The following RIMS2 variants were observed in gnomAD, a reference collection of about 807,000 sequenced individuals.
RIMS2 encodes the protein regulating synaptic membrane exocytosis 2, also known as regulating synaptic membrane exocytosis protein 2.
In RIMS2, 59 loss-of-function variants were observed where a neutral mutation model predicts 174.4. The ratio of observed to expected loss-of-function variants is 0.34; its 90% CI spans 0.27 to 0.42. The LOEUF is 0.42. Ranked by LOEUF, RIMS2 falls within the 10% of genes least tolerant of loss-of-function variation. RIMS2 has a pLI of 1.00. For synonymous variants in RIMS2, 606 were observed against 572.5 expected, an observed-to-expected ratio of 1.06 and a Z score of -0.84; for missense variants, 1,620 against 1,666.3, an observed-to-expected ratio of 0.97 and a Z score of 0.48.
chr8:104,156,424 C>A (rs2098724579), intron 19 of RIMS2, among the ~76,000 whole-genome samples: 1 of 152,080 alleles, frequency 6.6e-6, no homozygotes. Flanking sequence ...AGAGAGTGCC[C>A]AGGAAAAAGA....
At chr8:104,138,606 T>C (rs561498423) in intron 19 of RIMS2, among the ~76,000 whole-genome samples, 37 of 152,180 alleles carry the variant, frequency 2.4e-4, no homozygotes, top group Non-Finnish European at 4.7e-4. Flanking sequence ...CTTTCGCCCA[T>C]TTAAAAATTG....
At chr8:103,770,499 C>T (rs1017073296) in intron 3 of RIMS2, among the ~76,000 whole-genome samples, 7 of 152,094 alleles carry the variant, frequency 4.6e-5, no homozygotes, top group African/African-American at 1.4e-4. Flanking sequence ...TCGCTTGAAC[C>T]TGGAAGCTGG....
chr8:103,611,960 TG>T (rs60254570), intron 1 of RIMS2, among the ~76,000 whole-genome samples: 27,053 of 151,090 alleles, frequency 0.18, 2,623 homozygotes, highest in African/African-American at 0.25. Flanking sequence ...CATACTTCAT[TG>T]TTTTTTATTT....
intron 19 of RIMS2, among the ~76,000 whole-genome samples, chr8:104,098,945 T>C (rs1044988684): frequency 1.3e-5 from 2 of 152,220 alleles, no homozygotes; most frequent in African/African-American, 2.4e-5. Flanking sequence ...ACCAGCATTG[T>C]CATCCTGACT....
intron 4 of RIMS2, among the ~76,000 whole-genome samples, chr8:103,893,740 C>G (rs1049520568): frequency 3.3e-5 from 5 of 151,970 alleles, no homozygotes; most frequent in Admixed American, 1.3e-4. Context: ...TATGTATTGC[C>G]TATCGGTTCT....
chr8:103,891,046 A>T (rs948164968), intron 4 of RIMS2, among the ~76,000 whole-genome samples: 1 of 151,896 alleles, frequency 6.6e-6, no homozygotes, highest in Admixed American at 6.6e-5. Flanking sequence ...ATTACAAAAT[A>T]TCTCTTGTGG....
chr8:103,667,150 A>T (rs907261930), intron 1 of RIMS2, among the ~76,000 whole-genome samples: 1 of 152,194 alleles, frequency 6.6e-6, no homozygotes, highest in Non-Finnish European at 1.5e-5. Flanking sequence ...GTTTCAACCA[A>T]GCAACCTATT....
chr8:103,805,891 T>G lies in RIMS2; in HGVS notation c.698+39354T>G, dbSNP rs116183612. Among the ~76,000 whole-genome samples the G allele has an allele frequency of 6.1e-3, 935 of 152,260 alleles. 12 individuals carry two copies. The highest frequency in any genetic ancestry group is 0.021 in the African/African-American group (885 of 41,576). ...GTGATAAAGCAGGATTAATAAATTT[T>G]AGTTACATCTCTCAGAAATATTTAT... is the stretch of plus-strand genomic sequence containing the variant. On this transcript the variant is annotated intron_variant, in intron 3 of 23. Coordinates refer to ENST00000504942, the Ensembl canonical transcript of RIMS2.
chr8:103,895,327 TA>T (rs2099271543), intron 4 of RIMS2, among the ~76,000 whole-genome samples: 1 of 151,634 alleles, frequency 6.6e-6, no homozygotes, highest in Admixed American at 6.6e-5. Flanking sequence ...AGCAGATGTT[TA>T]TTTTTTACGG....
chr8:104,030,486 G>T (rs1044762270), intron 19 of RIMS2, among the ~76,000 whole-genome samples: 3 of 152,158 alleles, frequency 2.0e-5, no homozygotes, highest in Non-Finnish European at 4.4e-5. Flanking sequence ...TGAATCTTTT[G>T]TTCCATGGCC....
downstream of RIMS2, chr8:104,251,883 G>T (rs1023776119): frequency 2.2e-6 from 2 of 918,772 alleles, no homozygotes; most frequent in South Asian, 2.8e-5. Context: ...AAAATCACAG[G>T]TTGCAAACCC....
chr8:103,811,687 G>C (rs145352467), intron 3 of RIMS2, among the ~76,000 whole-genome samples: 23,935 of 152,162 alleles, frequency 0.16, 1,993 homozygotes, highest in Middle Eastern at 0.24. Context: ...CTCAGGTGAT[G>C]CACCCACCTC....
At chr8:103,603,799 T>C (rs1160487357) in intron 1 of RIMS2, among the ~76,000 whole-genome samples, 9 of 149,508 alleles carry the variant, frequency 6.0e-5, no homozygotes, top group Non-Finnish European at 1.2e-4. Context: ...ATGTCTTCTT[T>C]TGAGAAGTGT....
intron 19 of RIMS2, among the ~76,000 whole-genome samples, chr8:104,111,639 C>T (rs368954180): frequency 5.3e-5 from 8 of 152,100 alleles, no homozygotes; most frequent in Non-Finnish European, 1.2e-4. Flanking sequence ...ATCTCTTGAC[C>T]GCGTGATCCA....
chr8:104,094,494 G>C (rs1288328798), intron 19 of RIMS2: 1 of 679,610 alleles, frequency 1.5e-6, no homozygotes, highest in Admixed American at 2.1e-5. Flanking sequence ...GGGAATAGAA[G>C]AGGGAGGGAA....
chr8:103,768,985 T>A, intron 3 of RIMS2: 1 of 362,608 alleles, frequency 2.8e-6, no homozygotes, highest in South Asian at 2.9e-5. Context: ...CAGGCTTTCC[T>A]GTCTGCAAGC....
chr8:103,989,185 A>T (rs2094539139), intron 16 of RIMS2, 120 bp from the exon 19 acceptor site: 4 of 657,576 alleles, frequency 6.1e-6, no homozygotes, highest in Non-Finnish European at 1.1e-5. Context: ...ATTAATTAAA[A>T]CAAAATTTGG....
At chr8:103,818,761 A>G (rs1431122094) in intron 3 of RIMS2, among the ~76,000 whole-genome samples, 1 of 152,192 alleles carries the variant, frequency 6.6e-6, no homozygotes, top group African/African-American at 2.4e-5. Flanking sequence ...ACTTTTCTTT[A>G]AAAATAAATA....
chr8:103,531,285 A>G (rs966130517), intron 1 of RIMS2, among the ~76,000 whole-genome samples: 2 of 152,200 alleles, frequency 1.3e-5, no homozygotes, highest in Non-Finnish European at 2.9e-5. Flanking sequence ...TCTCAAAAAA[A>G]TCAGAAGATT....
Sources: gnomAD v4.1 joint callset for allele counts (sites outside exome capture counted in the v4.1 genomes callset) on GRCh38, gnomAD v4.1.1 for gene constraint, MANE v1.5 for transcripts, NCBI Gene and HGNC (gene_info 2026-07-23, HGNC 2026-07-21) for gene names.